AP2B1: variants seen among roughly 807,000 people sequenced by gnomAD.
The protein encoded by AP2B1 is AP-2 complex subunit beta.
AP2B1 carries 23 observed loss-of-function variants against 102.0 expected under a neutral mutation model. That is an observed-to-expected ratio of 0.23 (90% confidence interval 0.16 to 0.32). The LOEUF (loss-of-function observed/expected upper bound fraction) is 0.32, where lower values mean the gene tolerates loss of function less well. Ranked by LOEUF, AP2B1 falls within the 10% of genes least tolerant of loss-of-function variation. AP2B1 has a pLI of 1.00. For synonymous variants in AP2B1, 381 were observed against 421.2 expected, an observed-to-expected ratio of 0.90 and a Z score of 1.17; for missense variants, 541 against 1,157.4, an observed-to-expected ratio of 0.47 and a Z score of 7.73.
chr17:35,605,901 C>G, intron 4 of AP2B1, 61 bp downstream of exon 4: 1 of 1,577,278 alleles, frequency 6.3e-7, no homozygotes, highest in Non-Finnish European at 8.6e-7. Flanking sequence ...CCTCTGTTCA[C>G]AAGGAAGGAG....
chr17:35,653,111 C>T (rs895187959), intron 13 of AP2B1, among the ~76,000 whole-genome samples: 1 of 152,056 alleles, frequency 6.6e-6, no homozygotes, highest in Non-Finnish European at 1.5e-5. Context: ...AATCTGAACC[C>T]TTTCTTTCTG....
intron 1 of AP2B1, chr17:35,588,684 A>C (rs1377626631): frequency 6.6e-6 from 1 of 152,022 alleles, no homozygotes. Flanking sequence ...GTGCAGCTCT[A>C]TAAGAAAACG....
intron 20 of AP2B1, among the ~76,000 whole-genome samples, chr17:35,715,521 G>A (rs1555589443): frequency 6.6e-6 from 1 of 152,146 alleles, no homozygotes; most frequent in Non-Finnish European, 1.5e-5. Flanking sequence ...TAGAAAGTTA[G>A]GAATGATTTT....
At chr17:35,698,502 T>C (rs979038235) in intron 18 of AP2B1, among the ~76,000 whole-genome samples, 2 of 152,096 alleles carry the variant, frequency 1.3e-5, no homozygotes, top group Non-Finnish European at 2.9e-5. Context: ...TTTGTAAAGA[T>C]GAAATCTCAC....
chr17:35,622,972 A>G (rs1163475931), intron 5 of AP2B1, among the ~76,000 whole-genome samples: 1 of 152,084 alleles, frequency 6.6e-6, no homozygotes, highest in Non-Finnish European at 1.5e-5. Context: ...GCCAACTTAT[A>G]CTTGGAGAGT....
intron 10 of AP2B1, among the ~76,000 whole-genome samples, chr17:35,636,819 C>G (rs1264792109): frequency 6.6e-6 from 1 of 152,142 alleles, no homozygotes; most frequent in Admixed American, 6.5e-5. Flanking sequence ...TGATTGTGCA[C>G]CTTTTCTTCT....
chr17:35,710,125 G>T, intron 19 of AP2B1, 109 bp from the exon 20 acceptor site: 1 of 757,120 alleles, frequency 1.3e-6, no homozygotes, highest in Non-Finnish European at 2.4e-6. Flanking sequence ...CCTGCTGCTA[G>T]CTGTATTGCA....
intron 3 of AP2B1, among the ~76,000 whole-genome samples, chr17:35,599,901 C>T (rs886907949): frequency 3.3e-5 from 5 of 152,036 alleles, no homozygotes; most frequent in Non-Finnish European, 5.9e-5. Flanking sequence ...CAGAGTAAGA[C>T]TCTGTCTCAA....
At chr17:35,636,903 A>G (rs566570694) in intron 10 of AP2B1, among the ~76,000 whole-genome samples, 14 of 152,308 alleles carry the variant, frequency 9.2e-5, no homozygotes, top group South Asian at 4.1e-4. Context: ...CAGCTGTGCT[A>G]TTTACTTTGC....
intron 18 of AP2B1, among the ~76,000 whole-genome samples, chr17:35,707,602 G>A (rs1265848321): frequency 6.6e-6 from 1 of 151,884 alleles, no homozygotes; most frequent in East Asian, 1.9e-4. Flanking sequence ...ACAGCCACGC[G>A]CCTCCACGCC....
At chr17:35,662,064 G>C (rs1825983737) in intron 14 of AP2B1, among the ~76,000 whole-genome samples, 2 of 152,102 alleles carry the variant, frequency 1.3e-5, no homozygotes, top group Non-Finnish European at 2.9e-5. Flanking sequence ...CAATAGTAGT[G>C]ACTCTCAACA....
intron 18 of AP2B1, among the ~76,000 whole-genome samples, chr17:35,686,819 A>G (rs1385323943): frequency 6.6e-6 from 1 of 152,074 alleles, no homozygotes; most frequent in Non-Finnish European, 1.5e-5. Flanking sequence ...AAAAAAAATT[A>G]GTCAGGCATG....
chr17:35,606,965 G>C (rs1460810555), intron 4 of AP2B1, among the ~76,000 whole-genome samples: 2 of 151,512 alleles, frequency 1.3e-5, no homozygotes, highest in Admixed American at 1.3e-4. Context: ...GAGTGCAATG[G>C]CGCAATCTCA....
At chr17:35,710,537 A>G (rs2076425095) in intron 20 of AP2B1, among the ~76,000 whole-genome samples, 1 of 152,234 alleles carries the variant, frequency 6.6e-6, no homozygotes, top group Admixed American at 6.5e-5. Context: ...CATTTAAGAA[A>G]CAAGCTAGAA....
chr17:35,671,956 T>C (rs1474803014), intron 16 of AP2B1, 56 bp downstream of exon 16: 5 of 1,576,618 alleles, frequency 3.2e-6, no homozygotes, highest in Non-Finnish European at 4.3e-6. Flanking sequence ...CCAAACTGTT[T>C]CACTTTCAAC....
At chr17:35,689,880 C>G (rs1208557071) in intron 18 of AP2B1, among the ~76,000 whole-genome samples, 1 of 152,158 alleles carries the variant, frequency 6.6e-6, no homozygotes, top group African/African-American at 2.4e-5. Context: ...TTCCATATTT[C>G]TTTTACCTTT....
intron 18 of AP2B1, among the ~76,000 whole-genome samples, chr17:35,703,976 A>C (rs1165983987): frequency 6.6e-6 from 1 of 152,108 alleles, no homozygotes; most frequent in Non-Finnish European, 1.5e-5. Context: ...ATAGTTTAGA[A>C]CTTGTCTGGA....
chr17:35,720,613 G>T (rs587705438), intron 21 of AP2B1, among the ~76,000 whole-genome samples: 1 of 108,084 alleles, frequency 9.3e-6, no homozygotes, highest in Admixed American at 1.3e-4. Context: ...TATAGAGATA[G>T]GGTCTCGCTA....
intron 3 of AP2B1, among the ~76,000 whole-genome samples, chr17:35,603,361 T>C (rs1230885626): frequency 6.6e-6 from 1 of 152,236 alleles, no homozygotes; most frequent in Non-Finnish European, 1.5e-5. Flanking sequence ...ACAGTTATCC[T>C]ATATTGTAAA....
Sources: allele counts gnomAD v4.1 joint callset (sites outside exome capture counted in the v4.1 genomes callset), GRCh38; gene constraint gnomAD v4.1.1; transcripts MANE v1.5; gene names NCBI Gene and HGNC (gene_info 2026-07-23, HGNC 2026-07-21).